Variants in AFF3 observed in about 807,000 individuals in gnomAD.
AFF3 encodes ALF transcription elongation factor 3.
In AFF3, 32 loss-of-function variants were observed where a neutral mutation model predicts 129.7. The observed-to-expected ratio is 0.25, with a 90% CI of 0.19 to 0.33. The LOEUF is 0.33. Among genes scored for constraint, AFF3 ranks in the 10% least tolerant of loss-of-function variants. The pLI is 1.00. For synonymous variants in AFF3, 644 were observed against 635.4 expected, an observed-to-expected ratio of 1.01 and a Z score of -0.20; for missense variants, 1,373 against 1,592.0, an observed-to-expected ratio of 0.86 and a Z score of 2.34.
At chr2:99,727,056 T>G in intron 11 of AFF3, 21 bp downstream of exon 11, 1 of 1,592,260 alleles carries the variant, frequency 6.3e-7, no homozygotes, top group Non-Finnish European at 8.6e-7. Flanking sequence ...GCATCTCTGA[T>G]AGAAAATGAA....
chr2:100,015,219 T>C lies in AFF3; in HGVS notation c.54-6287A>G, dbSNP rs543800089. On this transcript the variant is annotated intron_variant, in intron 4 of 24. Coordinates refer to ENST00000672756, the MANE Select transcript of AFF3 (RefSeq NM_001386135.1). Reference sequence around the variant, plus strand: ...TAAACAGGTTCGTCTGATCCCTTCCTAAGAGCAGATTTGGTTTGGAGCAAA... The same window carrying C: ...TAAACAGGTTCGTCTGATCCCTTCCCAAGAGCAGATTTGGTTTGGAGCAAA... Among the ~76,000 whole-genome samples, 248 of 152,252 alleles carry C rather than the reference T, an allele frequency of 1.6e-3. 6 individuals are homozygous for C. In the South Asian group the frequency reaches 0.051, roughly 31 times the overall value.
chr2:99,992,019 A>T (rs899142315), intron 7 of AFF3, among the ~76,000 whole-genome samples: 3 of 152,144 alleles, frequency 2.0e-5, no homozygotes, highest in Non-Finnish European at 4.4e-5. Context: ...AAGATTAAAA[A>T]AAAAAGGAAC....
At chr2:99,651,711 G>A (rs2105639244) in intron 12 of AFF3, among the ~76,000 whole-genome samples, 1 of 152,038 alleles carries the variant, frequency 6.6e-6, no homozygotes, top group African/African-American at 2.4e-5. Flanking sequence ...CAAAGTGTTG[G>A]GATTACAGGT....
Position 99,876,586 on chromosome 2 carries a change from G to A in AFF3, c.874-39062C>T, listed in dbSNP as rs551830504. ...CTCGCTCAACTCCACTCTTTACATA[G>A]AACCCAGAGGAGTCTCTGTAAAAGA... On this transcript the variant is annotated intron_variant, in intron 7 of 24. Transcript: ENST00000672756. 7.2e-5 allele frequency among the ~76,000 whole-genome samples: 11 copies of A among 152,108 alleles called. No individual in the cohort carries two copies. The South Asian group carries it at 2.1e-3, about 29-fold the overall frequency.
At chr2:99,722,537 A>G (rs2104958448) in intron 11 of AFF3, among the ~76,000 whole-genome samples, 1 of 152,306 alleles carries the variant, frequency 6.6e-6, no homozygotes, top group South Asian at 2.1e-4. Context: ...CTGGGGTTTC[A>G]ATAGAAAATC....
At chr2:100,142,060 G>T (rs1337260880) in intron 1 of AFF3, among the ~76,000 whole-genome samples, 1 of 152,146 alleles carries the variant, frequency 6.6e-6, no homozygotes, top group Non-Finnish European at 1.5e-5. Flanking sequence ...GATCCAGTCT[G>T]TGGCCATGTC....
intron 7 of AFF3, among the ~76,000 whole-genome samples, chr2:99,848,577 A>C (rs1689906952): frequency 6.6e-6 from 1 of 152,214 alleles, no homozygotes; most frequent in Non-Finnish European, 1.5e-5. Context: ...TACTGAATAT[A>C]AAATAAATTA....
At chr2:99,994,219 G>A (rs1406066768) in intron 7 of AFF3, among the ~76,000 whole-genome samples, 1 of 152,140 alleles carries the variant, frequency 6.6e-6, no homozygotes, top group Non-Finnish European at 1.5e-5. Flanking sequence ...TTTTGGTTAA[G>A]CTTCAGAAAT....
chr2:100,059,254 C>CAAAAAAAAAAAAA (rs59005550), intron 4 of AFF3, among the ~76,000 whole-genome samples: 1 of 31,002 alleles, frequency 3.2e-5, no homozygotes, highest in Non-Finnish European at 5.2e-5. Context: ...ACTCTGTCTC[C>CAAAAAAAAAAAAA]AAAAAAAAAA....
intron 12 of AFF3, among the ~76,000 whole-genome samples, chr2:99,667,417 C>T (rs1020619651): frequency 3.1e-4 from 47 of 151,980 alleles, no homozygotes; most frequent in African/African-American, 1.0e-3. Flanking sequence ...TAAAAAAGAA[C>T]GAATCTCAAA....
chr2:99,744,611 G>A (rs970127193), intron 9 of AFF3, among the ~76,000 whole-genome samples: 4 of 152,034 alleles, frequency 2.6e-5, no homozygotes, highest in Non-Finnish European at 5.9e-5. Context: ...ATCTATTCTG[G>A]ATATTTCATA....
intron 8 of AFF3, among the ~76,000 whole-genome samples, chr2:99,781,999 T>A (rs1684447019): frequency 6.6e-6 from 1 of 152,352 alleles, no homozygotes; most frequent in South Asian, 2.1e-4. Flanking sequence ...TTCAAGCTTA[T>A]ACAGAACTTT....
chr2:99,611,004 G>T (rs1258377083), intron 13 of AFF3, among the ~76,000 whole-genome samples: 1 of 152,048 alleles, frequency 6.6e-6, no homozygotes, highest in Non-Finnish European at 1.5e-5. Flanking sequence ...TTTATTCTCT[G>T]TTGTTCCTAT....
chr2:100,017,288 C>T (rs759051066), intron 4 of AFF3, among the ~76,000 whole-genome samples: 1 of 152,108 alleles, frequency 6.6e-6, no homozygotes, highest in Non-Finnish European at 1.5e-5. Flanking sequence ...ATTGGCTCAC[C>T]AGCACTCCTT....
chr2:100,137,546 C>CACACAT (rs1692685727), intron 1 of AFF3, among the ~76,000 whole-genome samples: 3 of 139,808 alleles, frequency 2.1e-5, no homozygotes, highest in African/African-American at 8.0e-5. Flanking sequence ...TACACACACA[C>CACACAT]ACACACACAC....
intron 8 of AFF3, among the ~76,000 whole-genome samples, chr2:99,807,757 C>T (rs1000235066): frequency 7.9e-5 from 12 of 152,040 alleles, no homozygotes; most frequent in Admixed American, 2.0e-4. Flanking sequence ...CGCTGAGTGG[C>T]GGGTTTAGCT....
At chr2:100,106,884 G>C in intron 2 of AFF3, 1 of 985,492 alleles carries the variant, frequency 1.0e-6, no homozygotes, top group Non-Finnish European at 1.2e-6. Context: ...AAGAGGGAAG[G>C]CCCTGGGATG....
chr2:99,649,180 G>A (rs1029416544), intron 13 of AFF3, among the ~76,000 whole-genome samples: 4 of 152,138 alleles, frequency 2.6e-5, no homozygotes, highest in African/African-American at 9.7e-5. Context: ...ACGTGGGACC[G>A]TGAGTTGTTG....
chr2:100,073,540 G>C (rs377467814), intron 4 of AFF3, among the ~76,000 whole-genome samples: 1 of 152,182 alleles, frequency 6.6e-6, no homozygotes, highest in Non-Finnish European at 1.5e-5. Flanking sequence ...TTATAGGGCA[G>C]CTTCATCAAA....
Sources: allele counts gnomAD v4.1 joint callset (sites outside exome capture counted in the v4.1 genomes callset), GRCh38; gene constraint gnomAD v4.1.1; transcripts MANE v1.5; gene names NCBI Gene and HGNC (gene_info 2026-07-23, HGNC 2026-07-21).